The following PAPOLA variants were observed in gnomAD, a reference collection of about 807,000 sequenced individuals.
PAPOLA encodes the protein poly(A) polymerase alpha.
In PAPOLA, 15 loss-of-function variants were observed where a neutral mutation model predicts 100.6. The ratio of observed to expected loss-of-function variants is 0.15; its 90% CI spans 0.10 to 0.23. PAPOLA has a LOEUF of 0.23. PAPOLA is among the 10% of genes least tolerant of loss of function. The pLI, the probability that PAPOLA is intolerant of heterozygous loss-of-function variation, is 1.00. For missense variants in PAPOLA, 533 were observed against 884.2 expected (o/e 0.60, Z 5.04); for synonymous variants, 293 against 300.0 (o/e 0.98, Z 0.24).
intron 4 of PAPOLA, chr14:96,527,163 T>TTAA: frequency 2.3e-6 from 1 of 429,032 alleles, no homozygotes; most frequent in Non-Finnish European, 4.1e-6. Context: ...CTCTCCACCA[T>TTAA]GAAAGTACTT....
At chr14:96,554,196 G>A (rs1901096566) in intron 17 of PAPOLA, among the ~76,000 whole-genome samples, 1 of 152,148 alleles carries the variant, frequency 6.6e-6, no homozygotes, top group African/African-American at 2.4e-5. Flanking sequence ...AAACTTCTGG[G>A]TTTTTAGAAT....
At chr14:96,520,788 G>A (rs1897890295) in intron 2 of PAPOLA, among the ~76,000 whole-genome samples, 2 of 151,806 alleles carry the variant, frequency 1.3e-5, no homozygotes, top group Admixed American at 6.6e-5. Flanking sequence ...TGGAGAAAAA[G>A]GAATGCCTTA....
At chr14:96,507,261 T>C (rs1369756612) in intron 1 of PAPOLA, among the ~76,000 whole-genome samples, 1 of 151,322 alleles carries the variant, frequency 6.6e-6, no homozygotes, top group East Asian at 1.9e-4. Context: ...TCTTACTAAA[T>C]TTTTTGTTTT....
At chr14:96,519,724 T>A (rs1897785089) in intron 1 of PAPOLA, among the ~76,000 whole-genome samples, 1 of 152,236 alleles carries the variant, frequency 6.6e-6, no homozygotes, top group Non-Finnish European at 1.5e-5. Context: ...TGTAGCGTGT[T>A]TATCAATGTT....
rs754643948 is a variant in PAPOLA at position 96,525,407 on chromosome 14, T to G, written c.331+16T>G. ...CATACAAAAGGTAAGTATTATTTCA[T>G]TTTTCTTAGAAAGGGACCCTTTAGT... On this transcript the variant is annotated intron_variant, in intron 4 of 21. Transcript: ENST00000216277. The G allele has an allele frequency of 9.0e-7, 1 of 1,108,526 alleles. No individual in the cohort carries two copies. The highest frequency in any genetic ancestry group is 1.3e-6 in the Non-Finnish European group (1 of 754,876). 68.7% of individuals were successfully genotyped at this position (1,108,526 alleles called of 1,614,324 possible). A position where few individuals can be genotyped will look rare whatever the true frequency, so the allele number is the denominator to read the frequency against.
At chr14:96,512,177 A>G (rs1221649919) in intron 1 of PAPOLA, among the ~76,000 whole-genome samples, 1 of 152,156 alleles carries the variant, frequency 6.6e-6, no homozygotes, top group Non-Finnish European at 1.5e-5. Flanking sequence ...AAACAAGTTT[A>G]TAAAATATAA....
At chr14:96,560,825 TG>T (rs1011928484) in intron 20 of PAPOLA, 114 bp downstream of exon 20, 1 of 664,562 alleles carries the variant, frequency 1.5e-6, no homozygotes, top group African/African-American at 1.8e-5. Flanking sequence ...TTTTTAGTAT[TG>T]TTTATTACTG....
chr14:96,541,335 T>A (rs1899972337), intron 12 of PAPOLA, among the ~76,000 whole-genome samples: 1 of 152,188 alleles, frequency 6.6e-6, no homozygotes, highest in Non-Finnish European at 1.5e-5. Flanking sequence ...AAGAGTAAAA[T>A]AATTTTAAAA....
rs562581383 is a variant in PAPOLA, at chr14:96,532,306, G to GTT, written c.608-17_608-16dup. On this transcript the variant is annotated intron_variant, in intron 7 of 21. Coordinates refer to ENST00000216277, the MANE Select transcript of PAPOLA (RefSeq NM_032632.5). ...GTTTTGTGTGTGTGTGTGTGTGTGTGTTTTTTTTTACCCCTATTAATTAGG... is the reference window on the plus strand; with the variant it reads ...GTTTTGTGTGTGTGTGTGTGTGTGTGTTTTTTTTTTTACCCCTATTAATTAGG... 3.1e-3 allele frequency: 3,859 copies of GTT among 1,249,926 alleles called. 68 individuals carry two copies. The African/African-American group carries it at 0.051, about 17-fold the overall frequency. The allele number at this position is 1,249,926 out of a possible 1,614,324, so 77.4% of individuals were successfully genotyped here.
intron 6 of PAPOLA, among the ~76,000 whole-genome samples, chr14:96,530,391 T>C (rs1225425207): frequency 6.6e-6 from 1 of 151,778 alleles, no homozygotes; most frequent in Middle Eastern, 3.2e-3. Flanking sequence ...TGTTTTTTTT[T>C]TTCTTTTTTT....
chr14:96,541,753 A>G (rs543555232), intron 12 of PAPOLA, among the ~76,000 whole-genome samples: 1 of 152,168 alleles, frequency 6.6e-6, no homozygotes, highest in Admixed American at 6.5e-5. Flanking sequence ...TGCAGTATTC[A>G]GTTTAATTTT....
rs570210391 is a variant in PAPOLA, at chr14:96,566,057, A to G, written c.*1007A>G. ...AAAAGTAATGCCTGTGAAACATGAT[A>G]TCTATCTGGGATGGCCATTTGATCT... On this transcript the variant is annotated 3_prime_UTR_variant, in exon 22 of 22. Transcript: ENST00000216277. The G allele has an allele frequency of 4.0e-5, 16 of 396,198 alleles. No individual in the cohort carries two copies. The Admixed American group carries it at 6.2e-4, about 15-fold the overall frequency. The allele number at this position is 396,198 out of a possible 1,614,324, so 24.5% of individuals were successfully genotyped here. A position where few individuals can be genotyped will look rare whatever the true frequency, so the allele number is the denominator to read the frequency against.
At chr14:96,509,379 A>G (rs1318771092) in intron 1 of PAPOLA, among the ~76,000 whole-genome samples, 2 of 152,022 alleles carry the variant, frequency 1.3e-5, no homozygotes, top group African/African-American at 4.8e-5. Flanking sequence ...TTCAAGCTCA[A>G]TTTTTTTTGT....
intron 19 of PAPOLA, 25 bp from the exon 20 acceptor site, chr14:96,560,624 A>AT (rs775391091): frequency 2.1e-5 from 32 of 1,538,638 alleles, no homozygotes; most frequent in African/African-American, 4.1e-5. Flanking sequence ...ATTTTAGAGA[A>AT]TAAAGCTTTT....
chr14:96,530,845 A>G (rs1209553439), intron 6 of PAPOLA, among the ~76,000 whole-genome samples: 1 of 151,964 alleles, frequency 6.6e-6, no homozygotes, highest in Non-Finnish European at 1.5e-5. Context: ...TCAGGGTTTT[A>G]CTCCTGTCAC....
chr14:96,550,020 G>A (rs1436191324), intron 16 of PAPOLA, among the ~76,000 whole-genome samples: 1 of 152,156 alleles, frequency 6.6e-6, no homozygotes, highest in Non-Finnish European at 1.5e-5. Flanking sequence ...GGTGGCCTGG[G>A]CCTTATAGTC....
chr14:96,562,995 C>A (rs916280071), intron 21 of PAPOLA, 102 bp downstream of exon 21: 8 of 696,956 alleles, frequency 1.1e-5, no homozygotes, highest in Non-Finnish European at 2.0e-5. Context: ...TAAAATTAAT[C>A]TTTCTGAAAG....
At chr14:96,536,945 A>G in intron 11 of PAPOLA, 31 bp from the exon 12 acceptor site, 1 of 1,217,046 alleles carries the variant, frequency 8.2e-7, no homozygotes, top group Non-Finnish European at 1.2e-6. Context: ...AGACTGAAGT[A>G]TGCAAACATT....
chr14:96,560,628 A>G, intron 19 of PAPOLA, 21 bp from the exon 20 acceptor site: 1 of 1,550,514 alleles, frequency 6.4e-7, no homozygotes, highest in Non-Finnish European at 8.9e-7. Context: ...TAGAGAATAA[A>G]GCTTTTTTTT....
Sources: gnomAD v4.1 joint callset for allele counts (sites outside exome capture counted in the v4.1 genomes callset) on GRCh38, gnomAD v4.1.1 for gene constraint, MANE v1.5 for transcripts, NCBI Gene and HGNC (gene_info 2026-07-23, HGNC 2026-07-21) for gene names.